Variants in RBFOX1 observed in about 807,000 individuals in gnomAD.
The protein encoded by RBFOX1 is RNA binding fox-1 homolog 1, also known as RNA binding protein fox-1 homolog 1.
Under a neutral mutation model 57.7 loss-of-function variants are expected in RBFOX1, and 8 were observed. The observed-to-expected ratio is 0.14, with a 90% CI of 0.08 to 0.25. The LOEUF is 0.25. Ranked by LOEUF, RBFOX1 falls within the 10% of genes least tolerant of loss-of-function variation. The pLI is 1.00. For missense variants in RBFOX1, 611 were observed against 548.5 expected (o/e 1.11, Z -1.14); for synonymous variants, 326 against 222.4 (o/e 1.47, Z -4.15).
chr16:7,478,358 A>G (rs893501922), intron 4 of RBFOX1, among the ~76,000 whole-genome samples: 1 of 152,250 alleles, frequency 6.6e-6, no homozygotes, highest in African/African-American at 2.4e-5. Context: ...AGGTGGCCCA[A>G]GGGAAAAAAA....
At chr16:6,074,421 C>T (rs1188303107) in intron 1 of RBFOX1, among the ~76,000 whole-genome samples, 2 of 152,200 alleles carry the variant, frequency 1.3e-5, no homozygotes, top group Admixed American at 1.3e-4. Flanking sequence ...CAGTCATGAT[C>T]CATCCCTGAA....
At chr16:5,990,974 G>C (rs1181951103) in intron 4 of RBFOX1, among the ~76,000 whole-genome samples, 1 of 152,040 alleles carries the variant, frequency 6.6e-6, no homozygotes, top group Non-Finnish European at 1.5e-5. Context: ...GACTCTGTCA[G>C]AGAGAGAAAA....
chr16:7,351,360 C>T (rs1177864681), intron 4 of RBFOX1, among the ~76,000 whole-genome samples: 4 of 152,364 alleles, frequency 2.6e-5, no homozygotes, highest in African/African-American at 7.2e-5. Flanking sequence ...ATTCTTTAGA[C>T]ATGTATTAAT....
At chr16:6,349,814 G>C (rs1163362310) in intron 2 of RBFOX1, among the ~76,000 whole-genome samples, 1 of 152,078 alleles carries the variant, frequency 6.6e-6, no homozygotes, top group Non-Finnish European at 1.5e-5. Flanking sequence ...ATACTTTATA[G>C]GAAAAATGAT....
chr16:7,417,529 TGTG>T (rs1450022007), intron 4 of RBFOX1, among the ~76,000 whole-genome samples: 5 of 80,368 alleles, frequency 6.2e-5, no homozygotes, highest in Non-Finnish European at 8.7e-5. Context: ...CACATGGTAT[TGTG>T]TGTGTGTGTG....
chr16:6,660,128 G>A (rs1416334117), intron 3 of RBFOX1, among the ~76,000 whole-genome samples: 2 of 151,894 alleles, frequency 1.3e-5, no homozygotes, highest in African/African-American at 4.8e-5. Context: ...GGGAAGCTGA[G>A]GTGGAGAATT....
chr16:6,591,477 C>T (rs986980587), intron 2 of RBFOX1, among the ~76,000 whole-genome samples: 1 of 152,004 alleles, frequency 6.6e-6, no homozygotes, highest in Non-Finnish European at 1.5e-5. Flanking sequence ...AATGAAAAAC[C>T]TTTGTGTTAT....
At chr16:7,597,280 T>A in intron 8 of RBFOX1, 91 bp from the exon 9 acceptor site, 2 of 900,850 alleles carry the variant, frequency 2.2e-6, no homozygotes, top group South Asian at 1.8e-5. Flanking sequence ...TTTTCTTTTT[T>A]AATAAGTAAT....
chr16:6,215,679 C>G (rs12932047), intron 1 of RBFOX1, among the ~76,000 whole-genome samples: 97,912 of 151,950 alleles, frequency 0.64, 34,071 homozygotes, highest in East Asian at 0.99. Context: ...TTTTGTCTCT[C>G]CCTCCCTTAT....
intron 3 of RBFOX1, among the ~76,000 whole-genome samples, chr16:7,047,730 T>C (rs1598014213): frequency 1.4e-5 from 2 of 142,276 alleles, no homozygotes; most frequent in East Asian, 2.2e-4. Flanking sequence ...TTTTTTTTTT[T>C]TTTTTTTTTT....
intron 2 of RBFOX1, among the ~76,000 whole-genome samples, chr16:6,584,383 A>ATTATTG (rs2097577539): frequency 7.4e-6 from 1 of 135,610 alleles, no homozygotes; most frequent in South Asian, 2.3e-4. Flanking sequence ...TATTATTATT[A>ATTATTG]TTGAGACATG....
chr16:5,839,084 C>T (rs1281573184), intron 3 of RBFOX1, among the ~76,000 whole-genome samples: 1 of 152,170 alleles, frequency 6.6e-6, no homozygotes, highest in Non-Finnish European at 1.5e-5. Flanking sequence ...AGAACACCTA[C>T]AGCAAAGAAT....
chr16:6,461,984 G>A (rs1194751156), intron 2 of RBFOX1, among the ~76,000 whole-genome samples: 1 of 152,132 alleles, frequency 6.6e-6, no homozygotes, highest in Non-Finnish European at 1.5e-5. Context: ...TTCACACGAT[G>A]CATCTTTCTA....
intron 1 of RBFOX1, chr16:6,038,615 G>A (rs1229056417): frequency 1.4e-5 from 2 of 141,148 alleles, no homozygotes; most frequent in Admixed American, 7.1e-5. Flanking sequence ...ATATCTCCAT[G>A]GAGATATATA....
chr16:6,991,672 G>A (rs111837854), intron 3 of RBFOX1, among the ~76,000 whole-genome samples: 9,790 of 152,090 alleles, frequency 0.064, 424 homozygotes, highest in Non-Finnish European at 0.096. Context: ...AAGTAGCTGG[G>A]ACCACAGGCT....
At chr16:7,507,089 A>G (rs2073577939) in intron 4 of RBFOX1, among the ~76,000 whole-genome samples, 1 of 152,198 alleles carries the variant, frequency 6.6e-6, no homozygotes, top group Non-Finnish European at 1.5e-5. Context: ...TAAAGGTTGA[A>G]TGACTTGCCA....
At chr16:5,424,602 G>A (rs2067457232) in intron 1 of RBFOX1, among the ~76,000 whole-genome samples, 1 of 151,604 alleles carries the variant, frequency 6.6e-6, no homozygotes, top group Non-Finnish European at 1.5e-5. Flanking sequence ...GGGTTGACAG[G>A]TACAGCAAAC....
intron 2 of RBFOX1, among the ~76,000 whole-genome samples, chr16:6,607,435 TCG>T (rs769586993): frequency 1.4e-5 from 2 of 147,114 alleles, no homozygotes; most frequent in African/African-American, 5.1e-5. Context: ...TCTCTCTCTC[TCG>T]CTCTCTATCT....
chr16:5,535,597 C>G (rs796353067), intron 2 of RBFOX1, among the ~76,000 whole-genome samples: 2 of 152,216 alleles, frequency 1.3e-5, no homozygotes, highest in Admixed American at 6.5e-5. Context: ...GCTCTCCCCA[C>G]TGGGTCATGC....
Sources: allele counts gnomAD v4.1 joint callset (sites outside exome capture counted in the v4.1 genomes callset), GRCh38; gene constraint gnomAD v4.1.1; transcripts MANE v1.5; gene names NCBI Gene and HGNC (gene_info 2026-07-23, HGNC 2026-07-21).